RALYL: variants seen among roughly 807,000 people sequenced by gnomAD.
RALYL encodes RALY RNA binding protein like, also known as RNA-binding Raly-like protein.
RALYL carries 29 observed loss-of-function variants against 35.1 expected under a neutral mutation model. That is an observed-to-expected ratio of 0.83 (90% CI 0.61 to 1.13). The LOEUF (loss-of-function observed/expected upper bound fraction) is 1.13. Among genes scored for constraint, RALYL ranks in the 50% most tolerant of loss-of-function variants. RALYL has a pLI of 0.00. For synonymous variants in RALYL, 120 were observed against 127.6 expected (o/e 0.94, Z 0.40); for missense variants, 359 against 360.4 (o/e 1.00, Z 0.03).
Position 84,845,249 on chromosome 8 carries a change from A to G in RALYL, c.366-4731A>G, listed in dbSNP as rs561778908. ...CCCTCAATCAATAGCAATTGAATGC[A>G]TCAAATATGTCTAGCACCATTTCTG... On this transcript the variant is annotated intron_variant, in intron 4 of 8. Transcript: ENST00000521268. 3.9e-5 allele frequency among the ~76,000 whole-genome samples: 6 copies of G among 152,366 alleles called. No individual in the cohort carries two copies. In the East Asian group the frequency reaches 1.2e-3, roughly 29 times the overall value.
At chr8:84,304,605 AT>A (rs67838018) in intron 1 of RALYL, among the ~76,000 whole-genome samples, 16,986 of 151,916 alleles carry the variant, frequency 0.11, 1,622 homozygotes, top group African/African-American at 0.26. Flanking sequence ...AGTTTACACT[AT>A]TTTTTTTAAA....
intron 7 of RALYL, among the ~76,000 whole-genome samples, chr8:84,874,924 G>A (rs77381455): frequency 0.037 from 5,638 of 152,022 alleles, 155 homozygotes; most frequent in Non-Finnish European, 0.06. Flanking sequence ...ACTTTCATAC[G>A]GCTCATTTTT....
At chr8:84,876,593 T>C (rs138552486) in intron 7 of RALYL, among the ~76,000 whole-genome samples, 3,593 of 152,266 alleles carry the variant, frequency 0.024, 147 homozygotes, top group African/African-American at 0.081. Flanking sequence ...TAGCATGCAA[T>C]GGGAACAGTT....
At chr8:84,256,058 G>A (rs117818208) in intron 1 of RALYL, among the ~76,000 whole-genome samples, 2,895 of 152,214 alleles carry the variant, frequency 0.019, 43 homozygotes, top group South Asian at 0.032. Context: ...CAGGTCCACC[G>A]AAGGCCAGAG....
At chr8:84,367,315 TG>T (rs1340695640) in intron 1 of RALYL, among the ~76,000 whole-genome samples, 1 of 97,114 alleles carries the variant, frequency 1.0e-5, no homozygotes, top group African/African-American at 3.7e-5. Flanking sequence ...AACTAATTTT[TG>T]TATTTTTTTT....
intron 1 of RALYL, among the ~76,000 whole-genome samples, chr8:84,329,362 T>C (rs1341131314): frequency 1.3e-5 from 2 of 152,144 alleles, no homozygotes; most frequent in Non-Finnish European, 2.9e-5. Context: ...ATTAGTGATG[T>C]AGAATATTTT....
chr8:84,341,374 A>G lies in RALYL; in HGVS notation c.-24+156950A>G, dbSNP rs544639308. 2.3e-3 allele frequency among the ~76,000 whole-genome samples: 343 copies of G among 152,024 alleles called. 1 individual carries two copies. The highest frequency in any genetic ancestry group is 3.9e-3 in the Non-Finnish European group (263 of 67,894). On this transcript the variant is annotated intron_variant, in intron 1 of 8. Transcript: ENST00000521268. ...ATGTGAAATTCTGTGCTCAAATTCTAGTTCTTTGAATCTAGTTTCCCTGAT... is the reference window on the plus strand; with the variant it reads ...ATGTGAAATTCTGTGCTCAAATTCTGGTTCTTTGAATCTAGTTTCCCTGAT...
intron 1 of RALYL, among the ~76,000 whole-genome samples, chr8:84,494,418 G>GT (rs1219806056): frequency 1.3e-5 from 2 of 152,088 alleles, no homozygotes; most frequent in African/African-American, 2.4e-5. Flanking sequence ...TTTTAAAGTA[G>GT]TTTTTTTCTA....
chr8:84,605,291 A>G (rs979245510), intron 2 of RALYL, among the ~76,000 whole-genome samples: 2 of 152,104 alleles, frequency 1.3e-5, no homozygotes. Flanking sequence ...GTACCTCTGC[A>G]TTCTAATCAA....
chr8:84,376,677 T>C (rs1429145610), intron 1 of RALYL, among the ~76,000 whole-genome samples: 1 of 151,786 alleles, frequency 6.6e-6, no homozygotes, highest in East Asian at 1.9e-4. Context: ...AGAGGAGAAA[T>C]AGGCCAAGTC....
At chr8:84,693,080 A>G (rs937764738) in intron 2 of RALYL, among the ~76,000 whole-genome samples, 2 of 151,988 alleles carry the variant, frequency 1.3e-5, no homozygotes, top group African/African-American at 4.8e-5. Context: ...TTAAATTATC[A>G]AATTTTTGGT....
chr8:84,683,956 C>T (rs1333000936), intron 2 of RALYL, among the ~76,000 whole-genome samples: 1 of 152,180 alleles, frequency 6.6e-6, no homozygotes, highest in African/African-American at 2.4e-5. Flanking sequence ...CCCACCTCAG[C>T]CTCCCAAAGT....
intron 1 of RALYL, among the ~76,000 whole-genome samples, chr8:84,463,987 T>A (rs371455230): frequency 6.6e-6 from 1 of 152,064 alleles, no homozygotes; most frequent in South Asian, 2.1e-4. Flanking sequence ...TCATTCTGGG[T>A]GTGGCTTCCT....
At chr8:84,346,233 AC>A in intron 1 of RALYL, 1 of 214,106 alleles carries the variant, frequency 4.7e-6, no homozygotes, top group Non-Finnish European at 8.0e-6. Context: ...CCAACATCTG[AC>A]CAGATTTCCC....
At chr8:84,811,687 C>T (rs958633782) in intron 4 of RALYL, among the ~76,000 whole-genome samples, 1 of 152,146 alleles carries the variant, frequency 6.6e-6, no homozygotes, top group Non-Finnish European at 1.5e-5. Flanking sequence ...TAACCCCAGA[C>T]TTCTTAGAGG....
At chr8:84,727,189 C>T (rs1051730853) in intron 2 of RALYL, among the ~76,000 whole-genome samples, 1 of 151,960 alleles carries the variant, frequency 6.6e-6, no homozygotes, top group Non-Finnish European at 1.5e-5. Context: ...TACTTAGAAG[C>T]GTGACATTCA....
At chr8:84,186,948 G>GA (rs1051921026) in intron 1 of RALYL, among the ~76,000 whole-genome samples, 11 of 151,960 alleles carry the variant, frequency 7.2e-5, no homozygotes, top group Admixed American at 6.6e-4. Context: ...GCTTCTCATG[G>GA]AAAAAATGTA....
chr8:84,649,495 A>C (rs1828233575), intron 2 of RALYL, among the ~76,000 whole-genome samples: 1 of 151,920 alleles, frequency 6.6e-6, no homozygotes, highest in East Asian at 1.9e-4. Context: ...AGCTTTCTAC[A>C]TATGGCTAGC....
rs79058136 is a variant in RALYL at position 84,204,986 on chromosome 8, G to A, written c.-24+20562G>A. Among the ~76,000 whole-genome samples the A allele has an allele frequency of 3.7e-3, 565 of 152,204 alleles. 3 individuals carry two copies. The highest frequency in any genetic ancestry group is 0.013 in the African/African-American group (551 of 41,514). On this transcript the variant is annotated intron_variant, in intron 1 of 8. Coordinates refer to ENST00000521268, the MANE Select transcript of RALYL (RefSeq NM_173848.7). Reference sequence around the variant, plus strand: ...TGGGCCTATGCTTCTTGCCCAGGATGACAGGGCTAGTAACTAGCAGAGCTA... The same window carrying A: ...TGGGCCTATGCTTCTTGCCCAGGATAACAGGGCTAGTAACTAGCAGAGCTA...
Sources: gnomAD v4.1 joint callset for allele counts (sites outside exome capture counted in the v4.1 genomes callset) on GRCh38, gnomAD v4.1.1 for gene constraint, MANE v1.5 for transcripts, NCBI Gene and HGNC (gene_info 2026-07-23, HGNC 2026-07-21) for gene names.